The following KANK1 variants were observed in gnomAD, a reference collection of about 807,000 sequenced individuals.
KANK1 encodes the protein KN motif and ankyrin repeat domain-containing protein 1.
In KANK1, 109 loss-of-function variants were observed where a neutral mutation model predicts 106.2. The observed-to-expected ratio is 1.03, with a 90% confidence interval of 0.88 to 1.20. The LOEUF is 1.20. Among genes scored for constraint, KANK1 ranks in the 50% most tolerant of loss-of-function variants. The pLI is 0.00. For missense variants in KANK1, 2,399 were observed against 1,710.7 expected, an observed-to-expected ratio of 1.40 and a Z score of -7.10; for synonymous variants, 873 against 652.2, an observed-to-expected ratio of 1.34 and a Z score of -5.16.
At chr9:570,944 A>G (rs1456455254) in intron 1 of KANK1, among the ~76,000 whole-genome samples, 1 of 152,146 alleles carries the variant, frequency 6.6e-6, no homozygotes, top group East Asian at 1.9e-4. Context: ...ATTTTTTTGA[A>G]CATCATTTTC....
intron 1 of KANK1, among the ~76,000 whole-genome samples, chr9:668,210 G>T (rs183141986): frequency 8.4e-4 from 128 of 152,266 alleles, no homozygotes; most frequent in Non-Finnish European, 1.5e-3. Context: ...AGTGAAGTGT[G>T]TTTTATAAAT....
chr9:615,036 G>A (rs2069737338), intron 1 of KANK1, among the ~76,000 whole-genome samples: 1 of 151,870 alleles, frequency 6.6e-6, no homozygotes, highest in Admixed American at 6.6e-5. Context: ...CGTTTCCTGG[G>A]CCCAAGCAAT....
intron 1 of KANK1, chr9:547,228 C>G (rs1358684804): frequency 6.6e-6 from 1 of 152,112 alleles, no homozygotes; most frequent in Admixed American, 6.6e-5. Flanking sequence ...GTTTTGTGAG[C>G]CCCTCTAACG....
At chr9:602,842 T>C (rs1282046566) in intron 1 of KANK1, among the ~76,000 whole-genome samples, 2 of 151,904 alleles carry the variant, frequency 1.3e-5, no homozygotes, top group Non-Finnish European at 2.9e-5. Flanking sequence ...TTAGATGAGA[T>C]TCCAGCATGA....
At chr9:564,052 C>A (rs889078325) in intron 1 of KANK1, among the ~76,000 whole-genome samples, 1 of 149,294 alleles carries the variant, frequency 6.7e-6, no homozygotes, top group East Asian at 2.0e-4. Flanking sequence ...ATAGAATGTG[C>A]ACTTTCTTTC....
At chr9:643,500 A>AT (rs1382111885) in intron 1 of KANK1, among the ~76,000 whole-genome samples, 2 of 146,782 alleles carry the variant, frequency 1.4e-5, no homozygotes, top group African/African-American at 5.2e-5. Flanking sequence ...AAAGCAAAAG[A>AT]TTTTTAACAT....
chr9:474,965 C>A (rs2058079287), intron 3 of KANK1, among the ~76,000 whole-genome samples: 1 of 152,090 alleles, frequency 6.6e-6, no homozygotes, highest in Non-Finnish European at 1.5e-5. Flanking sequence ...GGAGAGGGCC[C>A]CCCACCCTGA....
chr9:697,269 A>C (rs1821545243), intron 2 of KANK1, among the ~76,000 whole-genome samples: 1 of 152,174 alleles, frequency 6.6e-6, no homozygotes, highest in Admixed American at 6.5e-5. Flanking sequence ...TTGGCAGGAC[A>C]GTGCAAAAGT....
chr9:676,748 C>T (rs936922380), intron 1 of KANK1, 142 bp from the exon 2 acceptor site: 1 of 452,620 alleles, frequency 2.2e-6, no homozygotes, highest in Non-Finnish European at 4.0e-6. Context: ...CCAATGCAGT[C>T]ACCTCCTGGA....
chr9:514,135 C>CCTTCCTCT (rs2059159025), intron 1 of KANK1, among the ~76,000 whole-genome samples: 1 of 79,056 alleles, frequency 1.3e-5, no homozygotes, highest in Admixed American at 1.1e-4. Flanking sequence ...TCTCTCCCTC[C>CCTTCCTCT]CTCCCTCCCT....
intron 10 of KANK1, 144 bp downstream of exon 10, chr9:742,549 C>A: frequency 1.6e-6 from 1 of 626,114 alleles, no homozygotes; most frequent in Non-Finnish European, 2.8e-6. Flanking sequence ...CCTCCCTTCA[C>A]AGCCAAGCTT....
In KANK1 at chr9:745,582, T is replaced by A. The variant is rs1836980329; in HGVS notation, c.*347T>A. 1 of 167,820 alleles carries A rather than the reference T, an allele frequency of 6.0e-6. No homozygotes were observed. Among genetic ancestry groups the A allele is most frequent in the African/African-American group, 2.4e-5 (1 of 42,072 alleles). The allele number at this position is 167,820 out of a possible 1,614,324, so 10.4% of individuals were successfully genotyped here. A position where few individuals can be genotyped will look rare whatever the true frequency, so the allele number is the denominator to read the frequency against. ...GTTCTCACTGAGACGTTTTAAGATT[T>A]TTCCACAAATATTTATATGTACTAA... is the stretch of plus-strand genomic sequence containing the variant. On this transcript the variant is annotated 3_prime_UTR_variant, in exon 12 of 12. Transcript: ENST00000382297.
intron 1 of KANK1, among the ~76,000 whole-genome samples, chr9:527,088 C>G (rs2059825125): frequency 6.6e-6 from 1 of 151,742 alleles, no homozygotes; most frequent in African/African-American, 2.4e-5. Context: ...AAGTACCTGT[C>G]ACTGACTCAT....
chr9:518,900 T>G (rs979474295), intron 1 of KANK1, among the ~76,000 whole-genome samples: 8 of 151,576 alleles, frequency 5.3e-5, no homozygotes, highest in South Asian at 4.1e-4. Context: ...TTTTTTTTTT[T>G]TTGTTTTGAG....
At chr9:480,514 T>C (rs1347172366) in intron 3 of KANK1, among the ~76,000 whole-genome samples, 1 of 152,238 alleles carries the variant, frequency 6.6e-6, no homozygotes, top group Non-Finnish European at 1.5e-5. Flanking sequence ...AAAAGGCTTA[T>C]ATCATCCTGT....
intron 1 of KANK1, among the ~76,000 whole-genome samples, chr9:565,047 G>T (rs1817479979): frequency 6.6e-6 from 1 of 152,124 alleles, no homozygotes; most frequent in African/African-American, 2.4e-5. Context: ...AATGTCAGTG[G>T]GTAGAGAAGA....
rs569847088 is a variant in KANK1, at chr9:736,647, CCAT to C, written c.3334-1631_3334-1629del. 9.9e-5 allele frequency among the ~76,000 whole-genome samples: 15 copies of C among 152,088 alleles called. No individual in the cohort carries two copies. In the South Asian group the frequency reaches 3.1e-3, roughly 32 times the overall value. ...CCCAGGAAGTTCAGGCTGCAGTGCT[CCAT>C]CATCATGCCACTGCACTCCAGCCTG... On this transcript the variant is annotated intron_variant, in intron 7 of 11. Transcript: ENST00000382297.
chr9:681,050 CAAA>C, intron 2 of KANK1: 1 of 151,676 alleles, frequency 6.6e-6, no homozygotes, highest in East Asian at 1.9e-4. Flanking sequence ...TCCATCTCTA[CAAA>C]AAAAAATTTT....
chr9:700,912 A>G (rs1032997767), intron 2 of KANK1, among the ~76,000 whole-genome samples: 3 of 152,162 alleles, frequency 2.0e-5, no homozygotes, highest in Admixed American at 1.3e-4. Flanking sequence ...AGATAAAGTA[A>G]TAATATCAAA....
Sources: allele counts gnomAD v4.1 joint callset (sites outside exome capture counted in the v4.1 genomes callset), GRCh38; gene constraint gnomAD v4.1.1; transcripts MANE v1.5; gene names NCBI Gene and HGNC (gene_info 2026-07-23, HGNC 2026-07-21).